PDE1C: variants seen among roughly 807,000 people sequenced by gnomAD.
PDE1C encodes the protein phosphodiesterase 1C, also known as dual specificity calcium/calmodulin-dependent 3',5'-cyclic nucleotide phosphodiesterase 1C.
PDE1C carries 62 observed loss-of-function variants against 93.1 expected under a neutral mutation model. The observed-to-expected ratio is 0.67, with a 90% CI of 0.54 to 0.82. The LOEUF (loss-of-function observed/expected upper bound fraction) is 0.82. PDE1C is among the 40% of genes least tolerant of loss of function. The pLI, the probability that PDE1C is intolerant of heterozygous loss-of-function variation, is 0.00. For synonymous variants in PDE1C, 325 were observed against 310.1 expected, an observed-to-expected ratio of 1.05 and a Z score of -0.50; for missense variants, 742 against 884.6, an observed-to-expected ratio of 0.84 and a Z score of 2.04.
chr7:32,106,606 G>A lies in PDE1C; in HGVS notation c.308+63179C>T, dbSNP rs144475778. The stretch of plus-strand genomic sequence containing the variant: ...GATTTAGCTAAAAGAACTCCAAGCC[G>A]CAGACCCCATTTAAGGAGTCTCTAG... On this transcript the variant is annotated intron_variant, in intron 3 of 18. Transcript: ENST00000396193. Among the ~76,000 whole-genome samples, 547 of 152,200 alleles carry A rather than the reference G, an allele frequency of 3.6e-3. 6 individuals carry two copies. Among genetic ancestry groups the A allele is most frequent in the African/African-American group, 0.013 (524 of 41,536 alleles).
At chr7:31,815,488 A>C (rs891793167) in intron 15 of PDE1C, among the ~76,000 whole-genome samples, 4 of 152,158 alleles carry the variant, frequency 2.6e-5, no homozygotes, top group Non-Finnish European at 5.9e-5. Context: ...CCTAAAGTAC[A>C]CACTTGTACA....
intron 2 of PDE1C, among the ~76,000 whole-genome samples, chr7:31,903,113 C>G (rs895514123): frequency 6.6e-6 from 1 of 151,740 alleles, no homozygotes; most frequent in Admixed American, 6.6e-5. Context: ...ATTAACTAGA[C>G]TTAAGGCATT....
intron 3 of PDE1C, among the ~76,000 whole-genome samples, chr7:32,134,731 G>C (rs552573354): frequency 6.6e-6 from 1 of 152,196 alleles, no homozygotes; most frequent in African/African-American, 2.4e-5. Flanking sequence ...ACACAGGGAG[G>C]GGAACATCAC....
At chr7:32,325,295 C>T (rs1459765972) in intron 1 of PDE1C, among the ~76,000 whole-genome samples, 1 of 152,192 alleles carries the variant, frequency 6.6e-6, no homozygotes, top group Non-Finnish European at 1.5e-5. Context: ...CACTGCTGCC[C>T]ACAGTGCTGT....
At chr7:31,980,160 G>C (rs1295601495) in intron 2 of PDE1C, among the ~76,000 whole-genome samples, 1 of 152,142 alleles carries the variant, frequency 6.6e-6, no homozygotes, top group Non-Finnish European at 1.5e-5. Context: ...ATTCAATCTA[G>C]CATTCTGCTA....
At chr7:31,673,222 A>G in the PDE1C span, among the ~76,000 whole-genome samples, 1 of 152,212 alleles carries the variant, frequency 6.6e-6, no homozygotes, top group African/African-American at 2.4e-5. Context: ...GAGGCTGACT[A>G]ACTACAAGGA....
chr7:32,299,102 G>A (rs1223452141), exon 1 of PDE1C: 2 of 1,054,334 alleles, frequency 1.9e-6, no homozygotes, highest in Non-Finnish European at 2.3e-6. Context: ...TGTCAGCCGC[G>A]GATCCCGCGC....
At chr7:31,738,709 C>T in the PDE1C span, among the ~76,000 whole-genome samples, 2 of 152,150 alleles carry the variant, frequency 1.3e-5, no homozygotes, top group Non-Finnish European at 2.9e-5. Context: ...GAGATGGTGG[C>T]CAGCTGGTGA....
the PDE1C span, chr7:31,652,582 T>C: frequency 6.2e-7 from 1 of 1,612,284 alleles, no homozygotes; most frequent in Non-Finnish European, 8.5e-7. Context: ...TATAACTGGA[T>C]AGAAGAAAGC....
intron 3 of PDE1C, among the ~76,000 whole-genome samples, chr7:32,133,788 C>T (rs1563340758): frequency 6.6e-6 from 1 of 152,058 alleles, no homozygotes; most frequent in Non-Finnish European, 1.5e-5. Context: ...ATAATGTGAT[C>T]CATCCTCAAC....
At chr7:32,062,914 A>ATAG (rs1794975459) in intron 1 of PDE1C, among the ~76,000 whole-genome samples, 1 of 152,220 alleles carries the variant, frequency 6.6e-6, no homozygotes, top group Non-Finnish European at 1.5e-5. Context: ...ATCAATTTTT[A>ATAG]TATCTTCTGG....
downstream of PDE1C, among the ~76,000 whole-genome samples, chr7:31,750,162 TGGA>T (rs1794091958): frequency 6.6e-6 from 1 of 152,074 alleles, no homozygotes; most frequent in Non-Finnish European, 1.5e-5. Flanking sequence ...TAATTGTGTG[TGGA>T]GAAGGAGATA....
At chr7:31,719,751 T>C in the PDE1C span, among the ~76,000 whole-genome samples, 5 of 152,210 alleles carry the variant, frequency 3.3e-5, no homozygotes, top group Non-Finnish European at 5.9e-5. Context: ...TGTTTGGGCA[T>C]ACCAGTCAAT....
intron 1 of PDE1C, among the ~76,000 whole-genome samples, chr7:32,272,691 C>T (rs1054296393): frequency 5.9e-5 from 9 of 152,176 alleles, no homozygotes; most frequent in Admixed American, 2.0e-4. Context: ...AATGACTTAA[C>T]GATTGTTCTA....
the PDE1C span, among the ~76,000 whole-genome samples, chr7:31,619,959 C>T: frequency 0.98 from 148,718 of 152,292 alleles, 72,626 homozygotes; most frequent in East Asian, 0.99. Context: ...GACTATATCC[C>T]GCACCTGGCT....
chr7:32,132,899 A>G (rs1236630824), intron 3 of PDE1C, among the ~76,000 whole-genome samples: 1 of 152,162 alleles, frequency 6.6e-6, no homozygotes, highest in Non-Finnish European at 1.5e-5. Flanking sequence ...TTTGTGATAA[A>G]ACAAATCAAG....
chr7:31,727,411 T>A, the PDE1C span, among the ~76,000 whole-genome samples: 2 of 152,234 alleles, frequency 1.3e-5, no homozygotes, highest in Non-Finnish European at 2.9e-5. Context: ...ATAGTTCATT[T>A]GACTCTAATG....
chr7:32,035,883 A>C (rs1171343910), intron 2 of PDE1C, among the ~76,000 whole-genome samples: 1 of 152,208 alleles, frequency 6.6e-6, no homozygotes, highest in African/African-American at 2.4e-5. Context: ...CCCATGTTTC[A>C]GCTTTAACGT....
At position 32,150,788 on chromosome 7, in the gene PDE1C, T is replaced by G. The variant is rs41364749; in HGVS notation, c.308+18997A>C. On this transcript the variant is annotated intron_variant, in intron 3 of 18. Coordinates refer to the PDE1C transcript ENST00000396193. ...TCATTTGCAAATATTGGTTGAATGCTTCCTAGTACTAGGGGCAACCATTGT... is the reference window on the plus strand; with the variant it reads ...TCATTTGCAAATATTGGTTGAATGCGTCCTAGTACTAGGGGCAACCATTGT... 8.3e-3 allele frequency among the ~76,000 whole-genome samples: 1,268 copies of G among 152,342 alleles called. 19 individuals carry two copies. The highest frequency in any genetic ancestry group is 0.029 in the African/African-American group (1,222 of 41,594).
Sources: allele counts gnomAD v4.1 joint callset (sites outside exome capture counted in the v4.1 genomes callset), GRCh38; gene constraint gnomAD v4.1.1; transcripts MANE v1.5; gene names NCBI Gene and HGNC (gene_info 2026-07-23, HGNC 2026-07-21).